The following COX10 variants were observed in gnomAD, a reference collection of about 807,000 sequenced individuals.
The protein encoded by COX10 is protoheme IX farnesyltransferase, mitochondrial.
In COX10, 27 loss-of-function variants were observed where a neutral mutation model predicts 37.3. The ratio of observed to expected loss-of-function variants is 0.72; its 90% CI spans 0.53 to 1.00. The LOEUF is 1.00. Among genes scored for constraint, COX10 ranks in the 50% least tolerant of loss-of-function variants. The pLI, the probability that COX10 is intolerant of heterozygous loss-of-function variation, is 0.00. For synonymous variants in COX10, 222 were observed against 229.1 expected (o/e 0.97, Z 0.28); for missense variants, 475 against 563.2 (o/e 0.84, Z 1.59).
chr17:14,176,361 C>G (rs917715793), intron 5 of COX10, among the ~76,000 whole-genome samples: 3 of 152,160 alleles, frequency 2.0e-5, no homozygotes, highest in African/African-American at 7.2e-5. Context: ...ATCCTCACAG[C>G]CAGCACCAAC....
chr17:14,129,956 G>A (rs1916426966), intron 4 of COX10, among the ~76,000 whole-genome samples: 1 of 152,152 alleles, frequency 6.6e-6, no homozygotes, highest in Admixed American at 6.5e-5. Flanking sequence ...ATTAGTTCAT[G>A]AGGCTTCTTA....
chr17:14,092,608 A>G (rs1915553722), intron 3 of COX10, among the ~76,000 whole-genome samples: 1 of 152,172 alleles, frequency 6.6e-6, no homozygotes, highest in African/African-American at 2.4e-5. Context: ...AACAATAAGC[A>G]TGAGAATTAC....
At position 14,208,244 on chromosome 17, in the gene COX10, A is replaced by G. The variant is rs1029561397; in HGVS notation, c.*1031A>G. ...AAGAGCCAGAAGCAGGGTTCTGGGA[A>G]TTTTGCAAGTTATCCTGTGGCCAGG... On this transcript the variant is annotated 3_prime_UTR_variant, in exon 7 of 7. Transcript: ENST00000261643. The G allele has an allele frequency of 6.6e-6, 1 of 152,238 alleles. No homozygotes were observed. Among genetic ancestry groups the G allele is most frequent in the African/African-American group, 2.4e-5 (1 of 41,458 alleles). 9.4% of individuals were successfully genotyped at this position (152,238 alleles called of 1,614,324 possible).
intron 6 of COX10, among the ~76,000 whole-genome samples, chr17:14,204,858 T>C (rs577765162): frequency 6.6e-6 from 1 of 152,304 alleles, no homozygotes; most frequent in South Asian, 2.1e-4. Flanking sequence ...TCTCTGTACT[T>C]TGAGAGGCTG....
At chr17:14,153,501 C>T (rs1904959566) in intron 4 of COX10, among the ~76,000 whole-genome samples, 1 of 152,106 alleles carries the variant, frequency 6.6e-6, no homozygotes, top group Non-Finnish European at 1.5e-5. Flanking sequence ...TGTTCTAGTC[C>T]TCATTTCTGC....
At chr17:14,099,350 A>G (rs943787924) in intron 3 of COX10, among the ~76,000 whole-genome samples, 3 of 152,152 alleles carry the variant, frequency 2.0e-5, no homozygotes, top group Admixed American at 2.0e-4. Flanking sequence ...TGATTTAGCA[A>G]TATCAAGAAA....
intron 1 of COX10, among the ~76,000 whole-genome samples, chr17:14,072,114 C>A (rs16940865): frequency 0.22 from 33,492 of 152,068 alleles, 3,846 homozygotes; most frequent in East Asian, 0.38. Context: ...TTTCTAGGCA[C>A]TGATTCATAA....
intron 4 of COX10, among the ~76,000 whole-genome samples, chr17:14,140,910 A>G (rs1376412817): frequency 6.6e-6 from 1 of 152,152 alleles, no homozygotes; most frequent in Non-Finnish European, 1.5e-5. Context: ...GTTATGATAA[A>G]TGATTAAGGA....
Position 14,069,556 on chromosome 17 carries a change from G to A in COX10, c.-50G>A, listed in dbSNP as rs1209822686. 1 of 1,608,206 alleles carries A rather than the reference G, an allele frequency of 6.2e-7. No homozygotes were observed. Among genetic ancestry groups the A allele is most frequent in the Non-Finnish European group, 8.5e-7 (1 of 1,175,992 alleles). ...AAGATGGCGGCGCCCAGCGTCCCGTGAGGAGAGAGGACACAGGGATCCCGG... is the reference window on the plus strand; with the variant it reads ...AAGATGGCGGCGCCCAGCGTCCCGTAAGGAGAGAGGACACAGGGATCCCGG... On this transcript the variant is annotated 5_prime_UTR_variant, in exon 1 of 7. It removes the in-frame stop codon of an upstream open reading frame in the 5' UTR. Coordinates refer to ENST00000261643, the MANE Select transcript of COX10 (RefSeq NM_001303.4).
intron 6 of COX10, among the ~76,000 whole-genome samples, chr17:14,196,441 A>G (rs1201605980): frequency 6.6e-6 from 1 of 152,164 alleles, no homozygotes; most frequent in African/African-American, 2.4e-5. Context: ...AGGAGGGAAT[A>G]TGCTTTCCAG....
chr17:14,197,252 G>A (rs1906393802), intron 6 of COX10, among the ~76,000 whole-genome samples: 2 of 152,154 alleles, frequency 1.3e-5, no homozygotes, highest in South Asian at 4.1e-4. Context: ...GCAGTATGTC[G>A]GGAAGTACCT....
rs1597491491 is a variant in COX10 at position 14,077,429 on chromosome 17, T to C, written c.499+373T>C. ...AAGAATTGCACTACTGGGCTTGATA[T>C]GAATCCACAGTGGCCACTGAGTCTC... On this transcript the variant is annotated intron_variant, in intron 3 of 6. Transcript: ENST00000261643. The C allele has an allele frequency of 1.5e-5, 4 of 264,878 alleles. No homozygotes were observed. The East Asian group carries it at 4.3e-4, about 29-fold the overall frequency. The allele number at this position is 264,878 out of a possible 1,614,324, so 16.4% of individuals were successfully genotyped here.
chr17:14,140,632 T>G (rs1438387107), intron 4 of COX10, among the ~76,000 whole-genome samples: 2 of 152,188 alleles, frequency 1.3e-5, no homozygotes, highest in Admixed American at 1.3e-4. Context: ...AAACACTATA[T>G]TCTTACTTTC....
chr17:14,145,202 C>T (rs1032611442), intron 4 of COX10, among the ~76,000 whole-genome samples: 10 of 151,592 alleles, frequency 6.6e-5, no homozygotes, highest in East Asian at 3.9e-4. Context: ...TGGGTGGGGG[C>T]GCTGTGTAGA....
At position 14,074,353 on chromosome 17, in the gene COX10, A is replaced by G. The variant is rs763979314; in HGVS notation, c.74A>G (p.Glu25Gly). The change falls in exon 2 of 7, where the codon GAA becomes GGA. Residue 25 changes from glutamate to glycine, a missense_variant. By Grantham distance (98) the Glu-to-Gly change is moderately conservative (BLOSUM62 -2). Coordinates refer to ENST00000261643, the MANE Select transcript of COX10 (RefSeq NM_001303.4). ...GCVGGSVWYL[E>G]RRTIQDSPHK... ...GTAGGAGGCTCTGTCTGGTATCTTG[A>G]AAGAAGAACTATACAGGACTCCCCT... 6.8e-6 allele frequency: 11 copies of G among 1,613,990 alleles called. No individual in the cohort carries two copies. In the Admixed American group the frequency reaches 1.8e-4, roughly 27 times the overall value.
intron 5 of COX10, among the ~76,000 whole-genome samples, chr17:14,191,188 A>G (rs990964240): frequency 2.0e-5 from 3 of 152,084 alleles, no homozygotes; most frequent in African/African-American, 7.2e-5. Context: ...AAGATTCTAT[A>G]CAAAGTCTAC....
rs769864182 is a variant in COX10 at position 14,207,135 on chromosome 17, C to G, written c.1254C>G (p.His418Gln). The G allele has an allele frequency of 2.5e-6, 4 of 1,613,508 alleles. No homozygotes were observed. The highest frequency in any genetic ancestry group is 3.4e-6 in the Non-Finnish European group (4 of 1,179,894). The change falls in exon 7 of 7, where the codon CAC (histidine) becomes CAG (glutamine). Residue 418 changes from histidine (H) to glutamine (Q), a missense_variant. Physicochemically the swap from His to Gln is conservative, Grantham distance 24. Transcript: ENST00000261643. ...SRRLFFCSLW[H>Q]LPLLLLLMLT... is the part of the protein sequence containing the mutation. Reference sequence around the variant, plus strand: ...GACTGTTCTTCTGCAGCCTGTGGCACCTGCCGCTGCTGCTGCTGCTCATGC... The same window carrying G: ...GACTGTTCTTCTGCAGCCTGTGGCAGCTGCCGCTGCTGCTGCTGCTCATGC...
chr17:14,198,531 A>G (rs768271665), intron 6 of COX10, among the ~76,000 whole-genome samples: 1 of 152,172 alleles, frequency 6.6e-6, no homozygotes, highest in Non-Finnish European at 1.5e-5. Flanking sequence ...TTGTGATTCA[A>G]ATGTGTGTTA....
At chr17:14,188,087 A>G (rs1334279259) in intron 5 of COX10, among the ~76,000 whole-genome samples, 1 of 145,464 alleles carries the variant, frequency 6.9e-6, no homozygotes, top group African/African-American at 2.5e-5. Context: ...AGAAGGAGTA[A>G]ACAACCTTCT....
Sources: allele counts gnomAD v4.1 joint callset (sites outside exome capture counted in the v4.1 genomes callset), GRCh38; gene constraint gnomAD v4.1.1; transcripts MANE v1.5; gene names NCBI Gene and HGNC (gene_info 2026-07-23, HGNC 2026-07-21).